The following ZNF17 variants were observed in gnomAD, a reference collection of about 807,000 sequenced individuals.
ZNF17 encodes the protein zinc finger protein 17, also known as zinc finger protein 17 (HPF3, KOX 10).
Under a neutral mutation model 7.7 loss-of-function variants are expected in ZNF17, and 4 were observed. The ratio of observed to expected loss-of-function variants is 0.52; its 90% CI spans 0.26 to 1.20. The LOEUF is 1.20. Ranked by LOEUF, ZNF17 falls within the 50% of genes most tolerant of loss-of-function variation. The probability of loss-of-function intolerance (pLI) is 0.14; values close to 1 mark genes in which losing one functional copy is unlikely to be tolerated. For synonymous variants in ZNF17, 249 were observed against 258.8 expected (o/e 0.96, Z 0.36); for missense variants, 738 against 799.5 (o/e 0.92, Z 0.93).
Position 57,421,355 on chromosome 19 carries a change from C to T in ZNF17, c.1869C>T (p.Tyr623=). The T allele has an allele frequency of 6.2e-7, 1 of 1,614,082 alleles. No individual in the cohort carries two copies. Among genetic ancestry groups the T allele is most frequent in the Non-Finnish European group, 8.5e-7 (1 of 1,180,006 alleles). The part of the protein sequence containing the change: ...ECSECGKVFR[Y]NSSLIKHRRI... ...GTGAATGTGGGAAAGTCTTTAGATA[C>T]AACTCCAGCCTCATTAAACATCGGA... The change falls in exon 4 of 4, where the codon TAC becomes TAT. Residue 623 remains tyrosine (Y), a synonymous_variant. Transcript: ENST00000307658.
rs375590387 is a variant in ZNF17, at chr19:57,411,417, C to T, written c.-21+11C>T. 1.9e-4 allele frequency: 300 copies of T among 1,610,486 alleles called. 4 individuals carry two copies. In the East Asian group the frequency reaches 4.4e-3, roughly 23 times the overall value. On this transcript the variant is annotated intron_variant, in intron 1 of 3. Transcript: ENST00000307658. ...ATGAACCTGACTGAGGTGGGTGCCGCGTCCCAGGGCGCCCCGCCCGATCCC... is the reference window on the plus strand; with the variant it reads ...ATGAACCTGACTGAGGTGGGTGCCGTGTCCCAGGGCGCCCCGCCCGATCCC...
chr19:57,412,788 T>C (rs1245482552), intron 1 of ZNF17, among the ~76,000 whole-genome samples: 1 of 152,080 alleles, frequency 6.6e-6, no homozygotes, highest in Non-Finnish European at 1.5e-5. Flanking sequence ...CCAGTATCCT[T>C]CTAAATATGT....
At chr19:57,411,465 A>G (rs1390555296) in intron 1 of ZNF17, 59 bp downstream of exon 1, 1 of 1,593,202 alleles carries the variant, frequency 6.3e-7, no homozygotes, top group Non-Finnish European at 8.5e-7. Context: ...CGAAGCCCCG[A>G]GGAGGGGCCC....
At chr19:57,411,501 A>G in intron 1 of ZNF17, 95 bp downstream of exon 1, 1 of 1,529,954 alleles carries the variant, frequency 6.5e-7, no homozygotes, top group Non-Finnish European at 8.8e-7. Context: ...TGTGTCCCAA[A>G]GAGAGGAGCG....
At chr19:57,411,998 G>A (rs1292695728) in intron 1 of ZNF17, among the ~76,000 whole-genome samples, 1 of 152,288 alleles carries the variant, frequency 6.6e-6, no homozygotes, top group South Asian at 2.1e-4. Context: ...AGCTTAGGGA[G>A]CAGGTTTCAG....
chr19:57,419,678 A>G lies in ZNF17; in HGVS notation c.192A>G (p.Gln64=), dbSNP rs1472069004. ...GAKDEEAPSK[Q]CVSVGVSQVT... ...AGGATGAGGAGGCACCTTCCAAGCA[A>G]TGTGTTTCTGTAGGAGTGTCACAGG... Residue 64 remains glutamine (Q), a synonymous_variant, in exon 4 of 4, where the codon CAA becomes CAG. Transcript: ENST00000307658. The G allele has an allele frequency of 6.2e-7, 1 of 1,614,080 alleles. No individual in the cohort carries two copies.
intron 2 of ZNF17, 107 bp from the exon 3 acceptor site, chr19:57,417,805 C>A: frequency 7.2e-7 from 1 of 1,390,704 alleles, no homozygotes; most frequent in East Asian, 2.4e-5. Context: ...CGAGATCACA[C>A]CACTGCACTC....
intron 2 of ZNF17, among the ~76,000 whole-genome samples, 193 bp from the exon 3 acceptor site, chr19:57,417,719 C>T (rs752970687): frequency 4.0e-5 from 6 of 151,664 alleles, no homozygotes; most frequent in South Asian, 4.2e-4. Flanking sequence ...TGGTGGCACG[C>T]GCCTGTAATC....
In ZNF17 at chr19:57,420,107, G is replaced by A; in HGVS notation, c.621G>A (p.Leu207=). 6.2e-7 allele frequency: 1 copy of A among 1,614,196 alleles called. No homozygotes were observed. Among genetic ancestry groups the A allele is most frequent in the South Asian group, 1.1e-5 (1 of 91,086 alleles). ...AAGACTTTTGCCACCAACATACACTGTTTGAGCACCAGAAAATCCACACAG... is the reference window on the plus strand; with the variant it reads ...AAGACTTTTGCCACCAACATACACTATTTGAGCACCAGAAAATCCACACAG... ...CGKDFCHQHT[L]FEHQKIHTEE... Residue 207 remains leucine (L), a synonymous_variant, in exon 4 of 4, where the codon CTG becomes CTA. Transcript: ENST00000307658.
intron 3 of ZNF17, among the ~76,000 whole-genome samples, chr19:57,418,247 G>A (rs1465873798): frequency 3.3e-5 from 5 of 152,074 alleles, no homozygotes; most frequent in African/African-American, 9.7e-5. Flanking sequence ...GCCTTATAAG[G>A]CTCAAAAGTC....
Position 57,419,972 on chromosome 19 carries a change from A to G in ZNF17, c.486A>G (p.Ser162=). 2.5e-6 allele frequency: 4 copies of G among 1,614,234 alleles called. No individual in the cohort carries two copies. The highest frequency in any genetic ancestry group is 3.4e-6 in the Non-Finnish European group (4 of 1,180,030). Residue 162 remains serine (S), a synonymous_variant, in exon 4 of 4, where the codon TCA becomes TCG. Transcript: ENST00000307658. Reference sequence around the variant, plus strand: ...GTGGCAAGGATTTTACTGGTGATTCAGATCTTCAACAACAGGCTCTTCACA... The same window carrying G: ...GTGGCAAGGATTTTACTGGTGATTCGGATCTTCAACAACAGGCTCTTCACA... ...MQGGKDFTGD[S]DLQQQALHSG...
At chr19:57,413,085 G>T (rs937913124) in intron 1 of ZNF17, among the ~76,000 whole-genome samples, 1 of 151,578 alleles carries the variant, frequency 6.6e-6, no homozygotes, top group Admixed American at 6.6e-5. Context: ...ACCATGGTTG[G>T]CCAGGATGGT....
Position 57,420,012 on chromosome 19 carries a change from C to T in ZNF17, c.526C>T (p.His176Tyr), listed in dbSNP as rs757647323. 2.5e-6 allele frequency: 4 copies of T among 1,614,202 alleles called. No individual in the cohort carries two copies. In the East Asian group the frequency reaches 8.9e-5, roughly 36 times the overall value. The change falls in exon 4 of 4, where the codon CAC becomes TAC. Residue 176 changes from histidine to tyrosine, a missense_variant. Physicochemically the swap from His to Tyr is moderately conservative, Grantham distance 83. Coordinates refer to ENST00000307658, the MANE Select transcript of ZNF17 (RefSeq NM_001330617.2). ...GGCTCTTCACAGTGGGTGGAAGCCACACAGGGACACTCATGGTGTGGAGGC... is the reference window on the plus strand; with the variant it reads ...GGCTCTTCACAGTGGGTGGAAGCCATACAGGGACACTCATGGTGTGGAGGC... ...QQALHSGWKP[H>Y]RDTHGVEAFQ...
At chr19:57,411,560 C>T (rs1163281331) in intron 1 of ZNF17, 154 bp downstream of exon 1, 1 of 1,436,654 alleles carries the variant, frequency 7.0e-7, no homozygotes, top group Admixed American at 2.7e-5. Flanking sequence ...CGGGGGAGCT[C>T]CTGTCAGGGA....
chr19:57,413,116 A>T (rs2088789216), intron 1 of ZNF17, among the ~76,000 whole-genome samples: 1 of 151,890 alleles, frequency 6.6e-6, no homozygotes, highest in African/African-American at 2.4e-5. Flanking sequence ...GCACCTCGTG[A>T]TCCGCCCACC....
In ZNF17 at chr19:57,413,741, C is replaced by T. The variant is rs59942542; in HGVS notation, c.21+105C>T. ...ACTGTTCACCTTTTCTTCTCTCTCC[C>T]TTGGGTCCAAGGAGAGCCTGTAGTT... On this transcript the variant is annotated intron_variant, in intron 2 of 3. Transcript: ENST00000307658. The T allele has an allele frequency of 2.2e-6, 3 of 1,394,372 alleles. No homozygotes were observed. The African/African-American group carries it at 4.3e-5, about 20-fold the overall frequency. 86.4% of individuals were successfully genotyped at this position (1,394,372 alleles called of 1,614,324 possible). A position where few individuals can be genotyped will look rare whatever the true frequency, so the allele number is the denominator to read the frequency against.
intron 1 of ZNF17, among the ~76,000 whole-genome samples, chr19:57,412,055 A>G (rs2123059601): frequency 7.2e-6 from 1 of 138,954 alleles, no homozygotes; most frequent in South Asian, 2.2e-4. Flanking sequence ...TGGAGGGCAG[A>G]TCATGGGTGG....
chr19:57,415,125 T>C (rs1600093726), intron 2 of ZNF17, among the ~76,000 whole-genome samples: 1 of 151,942 alleles, frequency 6.6e-6, no homozygotes, highest in East Asian at 1.9e-4. Context: ...CCAGTGGAGG[T>C]TGGTGGTGGC....
intron 1 of ZNF17, chr19:57,411,640 A>G (rs898002646): frequency 4.4e-6 from 6 of 1,368,296 alleles, no homozygotes; most frequent in African/African-American, 1.5e-5. Flanking sequence ...CTTTGTCTCC[A>G]CGGAGCTGAG....
Sources: allele counts gnomAD v4.1 joint callset (sites outside exome capture counted in the v4.1 genomes callset), GRCh38; gene constraint gnomAD v4.1.1; transcripts MANE v1.5; gene names NCBI Gene and HGNC (gene_info 2026-07-23, HGNC 2026-07-21).